The following LINGO2 variants were observed in gnomAD, a reference collection of about 807,000 sequenced individuals.
LINGO2 encodes the protein leucine-rich repeat and immunoglobulin-like domain-containing nogo receptor-interacting protein 2.
A neutral mutation model predicts 30.6 loss-of-function variants in LINGO2; 14 were observed. The observed-to-expected ratio is 0.46, with a 90% CI of 0.30 to 0.72. LINGO2 has a LOEUF of 0.72. LINGO2 is among the 30% of genes least tolerant of loss of function. The pLI, the probability that LINGO2 is intolerant of heterozygous loss-of-function variation, is 0.07. For synonymous variants in LINGO2, 317 were observed against 288.5 expected, an observed-to-expected ratio of 1.10 and a Z score of -1.00; for missense variants, 729 against 751.7, an observed-to-expected ratio of 0.97 and a Z score of 0.35.
chr9:28,719,936 T>C, the LINGO2 span, among the ~76,000 whole-genome samples: 2 of 152,178 alleles, frequency 1.3e-5, no homozygotes, highest in Non-Finnish European at 2.9e-5. Flanking sequence ...CTTCCTTTTC[T>C]TTCCAAACCT....
chr9:28,848,393 G>GCA, the LINGO2 span, among the ~76,000 whole-genome samples: 1 of 67,206 alleles, frequency 1.5e-5, no homozygotes, highest in Non-Finnish European at 2.7e-5. Context: ...GTGTGTGTGT[G>GCA]TGTGTATATA....
the LINGO2 span, among the ~76,000 whole-genome samples, chr9:29,207,397 T>C: frequency 4.6e-5 from 7 of 152,044 alleles, no homozygotes; most frequent in Non-Finnish European, 8.8e-5. Context: ...CAGCTAACCA[T>C]AGTTACATTA....
At chr9:29,064,963 T>G in the LINGO2 span, among the ~76,000 whole-genome samples, 1 of 152,136 alleles carries the variant, frequency 6.6e-6, no homozygotes, top group South Asian at 2.1e-4. Context: ...TATATTACAT[T>G]AAAGCATAAG....
chr9:29,053,384 T>C, the LINGO2 span, among the ~76,000 whole-genome samples: 4 of 152,094 alleles, frequency 2.6e-5, no homozygotes, highest in Admixed American at 6.6e-5. Flanking sequence ...CCTCTGTCCA[T>C]GTGTTCTCAT....
the LINGO2 span, among the ~76,000 whole-genome samples, chr9:28,894,510 C>T: frequency 1.3e-5 from 2 of 151,698 alleles, no homozygotes; most frequent in African/African-American, 2.4e-5. Flanking sequence ...GTAAATTTAC[C>T]ACCCTGATAT....
chr9:28,344,754 A>C (rs916311656), intron 3 of LINGO2, among the ~76,000 whole-genome samples: 7 of 152,130 alleles, frequency 4.6e-5, no homozygotes, highest in Non-Finnish European at 1.0e-4. Context: ...GGTTTCAGCT[A>C]ATAAAGACTC....
At chr9:28,462,414 TAAAAAA>T (rs61677547) in intron 2 of LINGO2, among the ~76,000 whole-genome samples, 1 of 89,104 alleles carries the variant, frequency 1.1e-5, no homozygotes. Context: ...ATGCTCTAGC[TAAAAAA>T]AAAAAAAAAA....
intron 4 of LINGO2, among the ~76,000 whole-genome samples, chr9:28,185,765 A>G (rs763723624): frequency 1.3e-5 from 2 of 152,168 alleles, no homozygotes; most frequent in Non-Finnish European, 2.9e-5. Flanking sequence ...GGAGAATGAT[A>G]TGGAAAAATT....
intron 1 of LINGO2, among the ~76,000 whole-genome samples, chr9:28,507,762 G>A (rs935176547): frequency 9.2e-5 from 14 of 152,198 alleles, no homozygotes; most frequent in African/African-American, 2.9e-4. Flanking sequence ...AGGCTTTCAT[G>A]TACTACATAA....
the LINGO2 span, among the ~76,000 whole-genome samples, chr9:29,198,134 A>G: frequency 6.6e-6 from 1 of 152,278 alleles, no homozygotes; most frequent in Non-Finnish European, 1.5e-5. Context: ...GACACAAACT[A>G]TGCTCTAATA....
the LINGO2 span, among the ~76,000 whole-genome samples, chr9:29,001,224 T>C: frequency 2.0e-5 from 3 of 151,960 alleles, no homozygotes; most frequent in Admixed American, 1.3e-4. Flanking sequence ...GTAGCCTTCA[T>C]AATGGTGAAA....
At chr9:28,055,590 T>A (rs1276677702) in intron 4 of LINGO2, among the ~76,000 whole-genome samples, 8 of 152,178 alleles carry the variant, frequency 5.3e-5, no homozygotes, top group African/African-American at 1.9e-4. Context: ...TCAGTCTAAT[T>A]TCTCAAAATG....
intron 4 of LINGO2, among the ~76,000 whole-genome samples, chr9:28,014,182 T>TC (rs1361849125): frequency 2.0e-5 from 3 of 152,320 alleles, no homozygotes; most frequent in African/African-American, 7.2e-5. Flanking sequence ...GTTGGTGCGC[T>TC]CGAGCATTTG....
At chr9:27,963,844 G>T (rs1345741418) in intron 5 of LINGO2, among the ~76,000 whole-genome samples, 1 of 151,708 alleles carries the variant, frequency 6.6e-6, no homozygotes, top group African/African-American at 2.4e-5. Flanking sequence ...CAGAAATCCT[G>T]GACTCCATGA....
chr9:28,452,334 G>A (rs1824680438), intron 2 of LINGO2, among the ~76,000 whole-genome samples: 1 of 151,730 alleles, frequency 6.6e-6, no homozygotes, highest in African/African-American at 2.4e-5. Flanking sequence ...ACTACATTTA[G>A]TAGAAGGCTT....
intron 1 of LINGO2, among the ~76,000 whole-genome samples, chr9:28,526,715 T>C (rs1314245787): frequency 2.6e-5 from 4 of 152,228 alleles, no homozygotes; most frequent in East Asian, 1.9e-4. Context: ...TAGATATCCC[T>C]GGAAGCTCAA....
chr9:27,990,531 T>G (rs561028543), intron 5 of LINGO2, among the ~76,000 whole-genome samples: 2 of 146,612 alleles, frequency 1.4e-5, no homozygotes, highest in Non-Finnish European at 3.0e-5. Flanking sequence ...CAATGGAATA[T>G]AATATATGAA....
At chr9:28,200,996 C>CTT (rs374650039) in intron 4 of LINGO2, among the ~76,000 whole-genome samples, 1 of 144,366 alleles carries the variant, frequency 6.9e-6, no homozygotes. Context: ...ACAGATTCAG[C>CTT]TTTTTTTTTT....
At chr9:28,283,460 C>T (rs1823397365) in intron 4 of LINGO2, among the ~76,000 whole-genome samples, 1 of 152,068 alleles carries the variant, frequency 6.6e-6, no homozygotes, top group South Asian at 2.1e-4. Flanking sequence ...AAAATATACA[C>T]ACAGAACAAA....
Sources: allele counts gnomAD v4.1 joint callset (sites outside exome capture counted in the v4.1 genomes callset), GRCh38; gene constraint gnomAD v4.1.1; transcripts MANE v1.5; gene names NCBI Gene and HGNC (gene_info 2026-07-23, HGNC 2026-07-21).